PARD3B: variants seen among roughly 807,000 people sequenced by gnomAD.
The protein encoded by PARD3B is partitioning defective 3 homolog B.
In PARD3B, 103 loss-of-function variants were observed where a neutral mutation model predicts 130.2. That is an observed-to-expected ratio of 0.79 (90% CI 0.67 to 0.93). PARD3B has a LOEUF of 0.93. Among genes scored for constraint, PARD3B ranks in the 40% least tolerant of loss-of-function variants. The pLI, the probability that PARD3B is intolerant of heterozygous loss-of-function variation, is 0.00. For missense variants in PARD3B, 1,609 were observed against 1,499.2 expected (o/e 1.07, Z -1.21); for synonymous variants, 583 against 553.2 (o/e 1.05, Z -0.76).
intron 18 of PARD3B, among the ~76,000 whole-genome samples, chr2:205,389,285 A>G (rs1037303769): frequency 6.6e-6 from 1 of 152,220 alleles, no homozygotes; most frequent in Non-Finnish European, 1.5e-5. Flanking sequence ...GTTAGGGCTC[A>G]TATTTTCCAA....
At chr2:204,692,647 C>T (rs577724714) in intron 2 of PARD3B, among the ~76,000 whole-genome samples, 3 of 151,932 alleles carry the variant, frequency 2.0e-5, no homozygotes, top group East Asian at 1.9e-4. Flanking sequence ...GTTTTTCCTT[C>T]AAAAAGTCTT....
chr2:204,776,053 G>T lies in PARD3B; in HGVS notation c.222+89771G>T, dbSNP rs185099792. Among the ~76,000 whole-genome samples, 6 of 152,218 alleles carry T rather than the reference G, an allele frequency of 3.9e-5. 1 individual carries two copies. Among genetic ancestry groups the T allele is most frequent in the Admixed American group, 2.0e-4 (3 of 15,278 alleles). Reference sequence around the variant, plus strand: ...GAAATTCTGGAATTTATGTGGCTTTGCTAGCTAGAAAAAACTCTTCCAGTA... The same window carrying T: ...GAAATTCTGGAATTTATGTGGCTTTTCTAGCTAGAAAAAACTCTTCCAGTA... On this transcript the variant is annotated intron_variant, in intron 2 of 22. Transcript: ENST00000406610.
chr2:204,766,965 C>CT (rs68009060), intron 2 of PARD3B, among the ~76,000 whole-genome samples: 70,547 of 114,232 alleles, frequency 0.62, 21,926 homozygotes, highest in East Asian at 0.8. Context: ...TTTTCTTTTT[C>CT]TTTTTTTTTT....
chr2:204,791,139 C>T (rs1196790786), intron 2 of PARD3B, among the ~76,000 whole-genome samples: 1 of 151,674 alleles, frequency 6.6e-6, no homozygotes, highest in Non-Finnish European at 1.5e-5. Flanking sequence ...AAAAATGCCT[C>T]TTCATGTTAG....
At chr2:205,141,479 C>T (rs2032947420) in intron 10 of PARD3B, among the ~76,000 whole-genome samples, 1 of 152,010 alleles carries the variant, frequency 6.6e-6, no homozygotes, top group Non-Finnish European at 1.5e-5. Context: ...GGGTAGTTGC[C>T]AAATAGCACC....
chr2:205,409,667 G>A (rs2046529823), intron 19 of PARD3B, among the ~76,000 whole-genome samples: 1 of 152,122 alleles, frequency 6.6e-6, no homozygotes, highest in African/African-American at 2.4e-5. Context: ...CACTTGACTG[G>A]CATGCTTTCC....
At chr2:205,411,594 A>AC (rs1008797369) in intron 19 of PARD3B, among the ~76,000 whole-genome samples, 1 of 152,036 alleles carries the variant, frequency 6.6e-6, no homozygotes, top group Non-Finnish European at 1.5e-5. Flanking sequence ...GGGAATTAAA[A>AC]CCCCAGATAA....
chr2:205,269,080 G>C lies in PARD3B; in HGVS notation c.2185+23258G>C, dbSNP rs1295283709. ...GTTTTGAGGCAAATAGTAGGGAACA[G>C]AGTCTAGATTTGAACCTAGGTCACT... On this transcript the variant is annotated intron_variant, in intron 16 of 22. Transcript: ENST00000406610. This position sits in a 1 kb window ranked among gnomAD's most constrained non-coding sequence, Gnocchi z 4.7. 6.6e-6 allele frequency among the ~76,000 whole-genome samples: 1 copy of C among 152,124 alleles called. No individual in the cohort carries two copies. Among genetic ancestry groups the C allele is most frequent in the African/African-American group, 2.4e-5 (1 of 41,454 alleles).
Position 205,408,271 on chromosome 2 carries a change from T to G in PARD3B, c.2741+7148T>G, listed in dbSNP as rs2046478367. On this transcript the variant is annotated intron_variant, in intron 19 of 22. Coordinates refer to ENST00000406610, the MANE Select transcript of PARD3B (RefSeq NM_001302769.2). ...GCAAACCAAGATTTAATTATGCAGC[T>G]GCAAGTTCCCCACATAAACGAAATG... 3.3e-5 allele frequency among the ~76,000 whole-genome samples: 5 copies of G among 152,184 alleles called. No homozygotes were observed. The South Asian group carries it at 1.0e-3, about 31-fold the overall frequency.
intron 1 of PARD3B, among the ~76,000 whole-genome samples, chr2:204,577,639 A>C (rs970019479): frequency 1.4e-4 from 21 of 152,208 alleles, no homozygotes; most frequent in Non-Finnish European, 2.9e-4. Context: ...TGGTGGGATC[A>C]TAGCTCACCG....
At chr2:204,829,774 C>T (rs984050543) in intron 2 of PARD3B, among the ~76,000 whole-genome samples, 4 of 151,784 alleles carry the variant, frequency 2.6e-5, no homozygotes, top group East Asian at 3.9e-4. Flanking sequence ...CCGAGGTGGG[C>T]GGATCACGAG....
intron 1 of PARD3B, among the ~76,000 whole-genome samples, chr2:204,620,297 C>T (rs2034253730): frequency 6.6e-6 from 1 of 152,118 alleles, no homozygotes; most frequent in Admixed American, 6.5e-5. Flanking sequence ...GACACCTCAC[C>T]CGGCTCATGC....
intron 4 of PARD3B, among the ~76,000 whole-genome samples, chr2:205,065,715 T>C (rs1037097061): frequency 2.0e-5 from 3 of 152,160 alleles, no homozygotes; most frequent in Non-Finnish European, 4.4e-5. Flanking sequence ...TGGGTAGTTA[T>C]AAAGCCAGGA....
Position 204,907,629 on chromosome 2 carries a change from T to C in PARD3B, c.223-57523T>C, listed in dbSNP as rs1422128833. Among the ~76,000 whole-genome samples, 4 of 152,214 alleles carry C rather than the reference T, an allele frequency of 2.6e-5. No individual in the cohort carries two copies. Among genetic ancestry groups the C allele is most frequent in the African/African-American group, 9.6e-5 (4 of 41,462 alleles). ...GTGTTTGGTCATAAAATTGTGTCTC[T>C]TTATAGATATTATAAGACTTTCTTG... On this transcript the variant is annotated intron_variant, in intron 2 of 22. Coordinates refer to ENST00000406610, the MANE Select transcript of PARD3B (RefSeq NM_001302769.2). This position sits in a 1 kb window ranked among gnomAD's most constrained non-coding sequence, Gnocchi z 5.7.
intron 3 of PARD3B, among the ~76,000 whole-genome samples, chr2:204,977,363 A>G (rs1161912755): frequency 2.6e-5 from 4 of 152,092 alleles, no homozygotes; most frequent in African/African-American, 4.8e-5. Context: ...TTTGTTTTTA[A>G]TGTTGTTCTC....
intron 1 of PARD3B, among the ~76,000 whole-genome samples, chr2:204,665,557 C>T (rs756312952): frequency 1.3e-5 from 2 of 152,174 alleles, no homozygotes; most frequent in Non-Finnish European, 2.9e-5. Context: ...ACTCACTAGA[C>T]CAAGACTCAG....
At chr2:205,577,808 A>G (rs748955492) in intron 22 of PARD3B, among the ~76,000 whole-genome samples, 1 of 152,182 alleles carries the variant, frequency 6.6e-6, no homozygotes, top group Non-Finnish European at 1.5e-5. Context: ...GTTGGTTTTT[A>G]AAGCTACCAA....
At chr2:205,533,395 T>A (rs933101847) in intron 21 of PARD3B, among the ~76,000 whole-genome samples, 2 of 152,164 alleles carry the variant, frequency 1.3e-5, no homozygotes, top group African/African-American at 4.8e-5. Flanking sequence ...TATTTTATTC[T>A]CCTATCCACC....
chr2:205,098,578 TAA>T (rs1266997434), intron 4 of PARD3B, among the ~76,000 whole-genome samples: 3 of 152,222 alleles, frequency 2.0e-5, no homozygotes, highest in Non-Finnish European at 2.9e-5. Flanking sequence ...TCAATAGTGT[TAA>T]GTTTCTTTGG....
Sources: allele counts gnomAD v4.1 joint callset (sites outside exome capture counted in the v4.1 genomes callset), GRCh38; gene constraint gnomAD v4.1.1; non-coding constraint Gnocchi (gnomAD v3.1); transcripts MANE v1.5; gene names NCBI Gene and HGNC (gene_info 2026-07-23, HGNC 2026-07-21).